PXYLP1: variants seen among roughly 807,000 people sequenced by gnomAD.
PXYLP1 encodes acid phosphatase-like 2.
PXYLP1 carries 17 observed loss-of-function variants against 37.9 expected under a neutral mutation model. That is an observed-to-expected ratio of 0.45 (90% CI 0.31 to 0.67). The LOEUF (loss-of-function observed/expected upper bound fraction) is 0.67. PXYLP1 is among the 30% of genes least tolerant of loss of function. The pLI is 0.07. For synonymous variants in PXYLP1, 221 were observed against 232.2 expected, an observed-to-expected ratio of 0.95 and a Z score of 0.44; for missense variants, 511 against 612.0, an observed-to-expected ratio of 0.84 and a Z score of 1.74.
rs991253503 is a variant in PXYLP1, at chr3:141,293,355, A to T, written c.*150A>T. ...GGGAACCACAGATGGTTGGGGTTGA[A>T]CAGTAAGCACATTGCTGCAATGTGG... On this transcript the variant is annotated 3_prime_UTR_variant, in exon 6 of 6. Transcript: ENST00000286353. The T allele has an allele frequency of 5.1e-6, 4 of 789,752 alleles. No homozygotes were observed. Among genetic ancestry groups the T allele is most frequent in the Non-Finnish European group, 7.8e-6 (4 of 510,682 alleles). 48.9% of individuals were successfully genotyped at this position (789,752 alleles called of 1,614,324 possible).
chr3:141,271,126 A>G (rs1941652731), intron 2 of PXYLP1, among the ~76,000 whole-genome samples: 1 of 152,166 alleles, frequency 6.6e-6, no homozygotes, highest in Non-Finnish European at 1.5e-5. Context: ...GTATCTCAAC[A>G]TCATCATTAC....
At chr3:141,242,269 G>A (rs1439165356) in intron 1 of PXYLP1, among the ~76,000 whole-genome samples, 1 of 152,128 alleles carries the variant, frequency 6.6e-6, no homozygotes, top group Non-Finnish European at 1.5e-5. Context: ...ATGAGGGCTC[G>A]CCTTGCCACA....
chr3:141,260,642 G>T (rs116077893), intron 2 of PXYLP1, among the ~76,000 whole-genome samples: 53 of 152,260 alleles, frequency 3.5e-4, no homozygotes, highest in African/African-American at 1.3e-3. Flanking sequence ...GAGTTGTTTC[G>T]GGGAGGGTGG....
chr3:141,241,999 T>C (rs1377080376), intron 1 of PXYLP1, among the ~76,000 whole-genome samples: 8 of 152,216 alleles, frequency 5.3e-5, no homozygotes, highest in African/African-American at 1.9e-4. Flanking sequence ...CTCCAGCATG[T>C]AGTTGGTGAA....
chr3:141,248,503 A>ATATATATACACACACACACG (rs1941019966), intron 1 of PXYLP1, among the ~76,000 whole-genome samples: 3 of 128,600 alleles, frequency 2.3e-5, no homozygotes, highest in African/African-American at 1.1e-4. Flanking sequence ...GTGTGTATAT[A>ATATATATACACACACACACG]TATATATATA....
Position 141,269,258 on chromosome 3 carries a change from C to A in PXYLP1, c.79+9004C>A, listed in dbSNP as rs563446260. Among the ~76,000 whole-genome samples, 58 of 152,358 alleles carry A rather than the reference C, an allele frequency of 3.8e-4. No homozygotes were observed. The Middle Eastern group carries it at 0.017, about 45-fold the overall frequency. Reference sequence around the variant, plus strand: ...ATTTGCTCCTCTTGGGGAGAGAGAACAATGTCCTTGGGCCTGAGTGACCAT... The same window carrying A: ...ATTTGCTCCTCTTGGGGAGAGAGAAAAATGTCCTTGGGCCTGAGTGACCAT... On this transcript the variant is annotated intron_variant, in intron 2 of 5. Transcript: ENST00000286353.
intron 2 of PXYLP1, among the ~76,000 whole-genome samples, chr3:141,266,855 G>A (rs2292404): frequency 0.49 from 74,878 of 151,910 alleles, 20,006 homozygotes; most frequent in South Asian, 0.68. Flanking sequence ...TCTGATATCC[G>A]CTAAGAAAGA....
At chr3:141,285,106 G>A (rs1942039773) in intron 4 of PXYLP1, among the ~76,000 whole-genome samples, 1 of 148,718 alleles carries the variant, frequency 6.7e-6, no homozygotes, top group Admixed American at 6.7e-5. Flanking sequence ...AAAAGATACA[G>A]CCATTTGTTG....
chr3:141,237,431 A>G (rs778093397), intron 1 of PXYLP1, among the ~76,000 whole-genome samples: 60 of 152,336 alleles, frequency 3.9e-4, no homozygotes, highest in Non-Finnish European at 5.1e-4. Flanking sequence ...TTCAGAGGCC[A>G]AACTGACTTT....
rs953300258 is a variant in PXYLP1 at position 141,293,762 on chromosome 3, A to G, written c.*557A>G. 6.5e-6 allele frequency: 1 copy of G among 154,540 alleles called. No homozygotes were observed. The highest frequency in any genetic ancestry group is 2.4e-5 in the African/African-American group (1 of 41,476). The allele number at this position is 154,540 out of a possible 1,614,324, so 9.6% of individuals were successfully genotyped here. ...CTGAAGCAGGAAAGCCACCACAGAC[A>G]GTACATAAAGGAATATGTGTAGCTG... On this transcript the variant is annotated 3_prime_UTR_variant, in exon 6 of 6. Transcript: ENST00000286353.
chr3:141,274,719 G>A lies in PXYLP1; in HGVS notation c.80-3623G>A. Reference sequence around the variant, plus strand: ...CTCTGGATGTTTGGGATGGCAGGGTGACAAACTGGGACACCCCTGCTTGCA... The same window carrying A: ...CTCTGGATGTTTGGGATGGCAGGGTAACAAACTGGGACACCCCTGCTTGCA... On this transcript the variant is annotated intron_variant, in intron 2 of 5. Transcript: ENST00000286353. 1.9e-5 allele frequency: 13 copies of A among 698,752 alleles called. No individual in the cohort carries two copies. The South Asian group carries it at 2.0e-4, about 10-fold the overall frequency. 43.3% of individuals were successfully genotyped at this position (698,752 alleles called of 1,614,324 possible). A position where few individuals can be genotyped will look rare whatever the true frequency, so the allele number is the denominator to read the frequency against.
intron 1 of PXYLP1, among the ~76,000 whole-genome samples, chr3:141,248,521 A>G (rs1249297859): frequency 6.7e-6 from 1 of 149,282 alleles, no homozygotes; most frequent in Admixed American, 6.7e-5. Context: ...ATACACACAC[A>G]CACACGTATA....
intron 2 of PXYLP1, 70 bp downstream of exon 2, chr3:141,260,324 G>A: frequency 1.3e-6 from 2 of 1,538,006 alleles, no homozygotes; most frequent in South Asian, 2.3e-5. Flanking sequence ...GGCCCCAAAG[G>A]CTTGTTTTAT....
At chr3:141,266,394 GC>G (rs1941512476) in intron 2 of PXYLP1, among the ~76,000 whole-genome samples, 1 of 152,080 alleles carries the variant, frequency 6.6e-6, no homozygotes, top group Non-Finnish European at 1.5e-5. Flanking sequence ...TCGCCACAGC[GC>G]CCACCTGCCT....
intron 1 of PXYLP1, among the ~76,000 whole-genome samples, chr3:141,248,034 T>TA: frequency 1.3e-5 from 2 of 149,728 alleles, no homozygotes; most frequent in African/African-American, 4.9e-5. Flanking sequence ...TTTTTTTTTT[T>TA]TTTTTTGAGA....
chr3:141,249,525 G>T, intron 1 of PXYLP1, among the ~76,000 whole-genome samples: 1 of 116,178 alleles, frequency 8.6e-6, no homozygotes, highest in Non-Finnish European at 1.7e-5. Flanking sequence ...TTCAAGCCTT[G>T]ATATTATGCC....
chr3:141,260,684 C>G (rs531530160), intron 2 of PXYLP1, among the ~76,000 whole-genome samples: 9 of 152,336 alleles, frequency 5.9e-5, no homozygotes, highest in Admixed American at 5.9e-4. Flanking sequence ...AAACCCACCC[C>G]CCAGGCAGCA....
At chr3:141,273,000 T>G in intron 2 of PXYLP1, 1 of 985,374 alleles carries the variant, frequency 1.0e-6, no homozygotes, top group African/African-American at 1.7e-5. Flanking sequence ...TCCCAATATT[T>G]CCTTTATATC....
intron 2 of PXYLP1, among the ~76,000 whole-genome samples, chr3:141,266,785 A>G (rs1341489940): frequency 6.6e-6 from 1 of 152,060 alleles, no homozygotes; most frequent in Non-Finnish European, 1.5e-5. Flanking sequence ...CTGCAGAGCT[A>G]TCGTGTTTCC....
Sources: allele counts gnomAD v4.1 joint callset (sites outside exome capture counted in the v4.1 genomes callset), GRCh38; gene constraint gnomAD v4.1.1; transcripts MANE v1.5; gene names NCBI Gene and HGNC (gene_info 2026-07-23, HGNC 2026-07-21).